SMN1: variants seen among roughly 807,000 people sequenced by gnomAD.
The protein encoded by SMN1 is survival of motor neuron 1, telomeric, also known as survival motor neuron protein.
For missense variants in SMN1, 15 were observed against 17.1 expected (o/e 0.88, Z 0.22); for synonymous variants, 3 against 5.1 (o/e 0.58, Z 0.56).
At chr5:70,960,478 T>G in the SMN1 span, among the ~76,000 whole-genome samples, 1 of 147,764 alleles carries the variant, frequency 6.8e-6, no homozygotes, top group Non-Finnish European at 1.5e-5. Flanking sequence ...CGAAAGCAGT[T>G]TATATAGTTC....
At chr5:70,956,556 C>G (rs932784596), downstream of SMN1, among the ~76,000 whole-genome samples, 2 of 145,992 alleles carry the variant, frequency 1.4e-5, no homozygotes, top group Non-Finnish European at 3.0e-5. Flanking sequence ...TTCCCAGCAC[C>G]ATTTATTAAA....
chr5:70,955,275 CT>C (rs1181872185), downstream of SMN1, among the ~76,000 whole-genome samples: 146 of 119,738 alleles, frequency 1.2e-3, 1 homozygote, highest in African/African-American at 4.0e-3. Context: ...CTTCTGTACA[CT>C]TTTTTTTTTT....
In SMN1 at chr5:70,952,669, GAC is replaced by G; in HGVS notation, c.*235_*236del. On this transcript the variant is annotated 3_prime_UTR_variant, in exon 9 of 9. Coordinates refer to ENST00000380707, the MANE Select transcript of SMN1 (RefSeq NM_000344.4). ...CTATTTTGAAAAACCATCTGTAAAA[GAC>G]TGGGGTGGGGGTGGGAGGCCAGCAC... 2.5e-6 allele frequency: 1 copy of G among 394,464 alleles called. No individual in the cohort carries two copies. The allele number at this position is 394,464 out of a possible 1,614,324, so 24.4% of individuals were successfully genotyped here.
the SMN1 span, among the ~76,000 whole-genome samples, chr5:70,959,313 G>A: frequency 3.3e-5 from 5 of 150,188 alleles, no homozygotes; most frequent in East Asian, 5.9e-4. Context: ...GCTAAATGAC[G>A]AGTTAATGGG....
Position 70,943,827 on chromosome 5 carries a change from C to T in SMN1, c.628-831C>T, listed in dbSNP as rs547276642. 5.4e-3 allele frequency among the ~76,000 whole-genome samples: 777 copies of T among 143,168 alleles called. 1 individual carries two copies. The highest frequency in any genetic ancestry group is 0.018 in the African/African-American group (743 of 40,388). The allele number at this position is 143,168 out of a possible 152,430, so 93.9% of individuals were successfully genotyped here. A position where few individuals can be genotyped will look rare whatever the true frequency, so the allele number is the denominator to read the frequency against. On this transcript the variant is annotated intron_variant, in intron 5 of 8. Coordinates refer to ENST00000380707, the MANE Select transcript of SMN1 (RefSeq NM_000344.4). ...TTTTCGAGATGGAGTCTTGCTCTGT[C>T]GCTCAGGCTGGAGTGCAGTGGCACC...
downstream of SMN1, among the ~76,000 whole-genome samples, chr5:70,957,580 G>A (rs1448060142): frequency 1.4e-5 from 2 of 146,018 alleles, no homozygotes; most frequent in Non-Finnish European, 3.0e-5. Flanking sequence ...ATAATCATGT[G>A]GTTTTTGTCT....
At chr5:70,957,608 C>T (rs1334410521), downstream of SMN1, among the ~76,000 whole-genome samples, 1 of 139,020 alleles carries the variant, frequency 7.2e-6, no homozygotes, top group Admixed American at 7.4e-5. Context: ...TGTTTATATG[C>T]TGGATTACAT....
the SMN1 span, among the ~76,000 whole-genome samples, chr5:70,963,878 CTTTTTTTTTTTT>C: frequency 3.9e-4 from 27 of 69,294 alleles, no homozygotes; most frequent in Non-Finnish European, 7.4e-4. Context: ...AAGTTTCAAA[CTTTTTTTTTTTT>C]TTTTTTTTTT....
intron 5 of SMN1, among the ~76,000 whole-genome samples, chr5:70,943,522 C>G: frequency 2.4e-5 from 1 of 41,878 alleles, no homozygotes; most frequent in African/African-American, 7.2e-5. Flanking sequence ...TGTTGTTTCC[C>G]ATGTCACCTG....
At chr5:70,959,322 G>C in the SMN1 span, among the ~76,000 whole-genome samples, 1 of 149,734 alleles carries the variant, frequency 6.7e-6, no homozygotes, top group Non-Finnish European at 1.5e-5. Context: ...CGAGTTAATG[G>C]GTGCAGCACA....
the SMN1 span, among the ~76,000 whole-genome samples, chr5:70,960,301 C>G: frequency 6.8e-6 from 1 of 147,540 alleles, no homozygotes; most frequent in African/African-American, 2.5e-5. Context: ...CACCTACTTG[C>G]TAAAATTTAT....
Position 70,952,107 on chromosome 5 carries a change from T to A in SMN1, c.*3+113T>A, listed in dbSNP as rs530720159. 1.5e-4 allele frequency: 236 copies of A among 1,571,348 alleles called. 4 individuals are homozygous for A. The African/African-American group carries it at 3.0e-3, about 20-fold the overall frequency. On this transcript the variant is annotated intron_variant, in intron 8 of 8. Coordinates refer to ENST00000380707, the MANE Select transcript of SMN1 (RefSeq NM_000344.4). Reference sequence around the variant, plus strand: ...GTTCAGATGTTAAAAAGTTGAAAGGTTAATGTAAAACAATCAATATTAAAG... The same window carrying A: ...GTTCAGATGTTAAAAAGTTGAAAGGATAATGTAAAACAATCAATATTAAAG...
At chr5:70,951,516 C>G (rs913795118) in intron 7 of SMN1, among the ~76,000 whole-genome samples, 1 of 151,098 alleles carries the variant, frequency 6.6e-6, no homozygotes, top group African/African-American at 2.4e-5. Context: ...CTCAGGTGAT[C>G]CAACTGTCTC....
the SMN1 span, among the ~76,000 whole-genome samples, chr5:70,960,822 A>G: frequency 2.0e-5 from 3 of 149,432 alleles, no homozygotes; most frequent in African/African-American, 7.3e-5. Flanking sequence ...CAGTCTTCTC[A>G]GTAGCTGGGA....
downstream of SMN1, among the ~76,000 whole-genome samples, chr5:70,955,611 C>G (rs1749886029): frequency 7.0e-6 from 1 of 142,766 alleles, no homozygotes; most frequent in East Asian, 2.1e-4. Context: ...GAAACCCCAT[C>G]TCTACTAAAA....
intron 6 of SMN1, among the ~76,000 whole-genome samples, chr5:70,945,536 A>C (rs956135761): frequency 1.0e-5 from 1 of 97,262 alleles, no homozygotes; most frequent in Non-Finnish European, 2.0e-5. Flanking sequence ...TACCCAAGAC[A>C]TTTACTTAAA....
At chr5:70,955,225 A>AC (rs1448221715), downstream of SMN1, among the ~76,000 whole-genome samples, 1 of 145,262 alleles carries the variant, frequency 6.9e-6, no homozygotes, top group Non-Finnish European at 1.5e-5. Flanking sequence ...AAAAAAAAAA[A>AC]CCAAACCAAA....
At chr5:70,951,440 A>AT (rs1749728442) in intron 7 of SMN1, among the ~76,000 whole-genome samples, 1 of 151,806 alleles carries the variant, frequency 6.6e-6, no homozygotes, top group African/African-American at 2.4e-5. Flanking sequence ...TGCCTGGCTA[A>AT]TTTTTTGTAC....
intron 1 of SMN1, among the ~76,000 whole-genome samples, chr5:70,935,649 A>G (rs1749404083): frequency 6.6e-6 from 1 of 152,222 alleles, no homozygotes; most frequent in Admixed American, 6.5e-5. Flanking sequence ...GCTATTTGAG[A>G]GACTGAGGCA....
Sources: allele counts gnomAD v4.1 joint callset (sites outside exome capture counted in the v4.1 genomes callset), GRCh38; gene constraint gnomAD v4.1.1; transcripts MANE v1.5; gene names NCBI Gene and HGNC (gene_info 2026-07-23, HGNC 2026-07-21).